Variants in UTS2B observed in about 807,000 individuals in gnomAD.
The protein encoded by UTS2B is urotensin 2B, also known as urotensin-2B.
Under a neutral mutation model 19.2 loss-of-function variants are expected in UTS2B, and 21 were observed. The ratio of observed to expected loss-of-function variants is 1.09; its 90% CI spans 0.78 to 1.58. The LOEUF (loss-of-function observed/expected upper bound fraction) is 1.58. Among genes scored for constraint, UTS2B ranks in the 40% most tolerant of loss-of-function variants. The pLI is 0.00. For synonymous variants in UTS2B, 57 were observed against 50.2 expected, an observed-to-expected ratio of 1.14 and a Z score of -0.58; for missense variants, 138 against 130.3, an observed-to-expected ratio of 1.06 and a Z score of -0.29.
Position 191,291,320 on chromosome 3 carries a change from G to T in UTS2B, c.-124-9007C>A, listed in dbSNP as rs181354494. Among the ~76,000 whole-genome samples, 15 of 152,200 alleles carry T rather than the reference G, an allele frequency of 9.9e-5. 1 individual carries two copies. In the East Asian group the frequency reaches 2.9e-3, roughly 29 times the overall value. ...GGGTTTTATTTGAAAAAAGTCCAAT[G>T]TATCTATTTTTTCTTGTGTTTCTTG... On this transcript the variant is annotated intron_variant, in intron 4 of 8. Transcript: ENST00000340524.
At position 191,268,204 on chromosome 3, in the gene UTS2B, C is replaced by T. The variant is rs11710136; in HGVS notation, c.*212G>A. ...TGCACGTCCATTCATAGGCTCTCTA[C>T]AGGGGGAAGCAAGTGCTGTTGGCTC... On this transcript the variant is annotated 3_prime_UTR_variant, in exon 9 of 9. Transcript: ENST00000340524. 0.53 allele frequency: 222,621 copies of T among 421,074 alleles called. 61,742 individuals are homozygous for T. Among genetic ancestry groups the T allele is most frequent in the Middle Eastern group, 0.6 (909 of 1,518 alleles). The allele number at this position is 421,074 out of a possible 1,614,324, so 26.1% of individuals were successfully genotyped here.
At chr3:191,313,017 GT>G (rs34512583) in intron 3 of UTS2B, among the ~76,000 whole-genome samples, 42,061 of 143,698 alleles carry the variant, frequency 0.29, 5,977 homozygotes, top group African/African-American at 0.39. Flanking sequence ...TGTCAAACAG[GT>G]TTTTTTTTTT....
Position 191,278,146 on chromosome 3 carries a change from T to A in UTS2B, c.128A>T (p.Lys43Ile). The A allele has an allele frequency of 6.4e-7, 1 of 1,552,332 alleles. No homozygotes were observed. The highest frequency in any genetic ancestry group is 8.7e-7 in the Non-Finnish European group (1 of 1,151,658). The change falls in exon 6 of 9, where the codon AAA becomes ATA. Residue 43 changes from lysine to isoleucine, a missense_variant. Transcript: ENST00000340524. ...CAATAGTTCCTCACGATTTGTATAT[T>A]TTTTATCTGGAAATATTTCATTTCC... Reference protein sequence around the residue: ...TQGNEIFPDKKYTNREELLLA... With the variant: ...TQGNEIFPDKIYTNREELLLA...
upstream of UTS2B, among the ~76,000 whole-genome samples, chr3:191,330,955 C>G (rs960829718): frequency 2.0e-5 from 3 of 152,164 alleles, no homozygotes; most frequent in African/African-American, 4.8e-5. Context: ...TAATACTTTT[C>G]TACCTTTCCG....
chr3:191,275,234 C>A lies in UTS2B; in HGVS notation c.334+18G>T. On this transcript the variant is annotated intron_variant, in intron 8 of 8. Coordinates refer to ENST00000340524, the MANE Select transcript of UTS2B (RefSeq NM_198152.5). ...ATCTTTTGGAAGTCAATCTTAAAAC[C>A]TTGAAATGAAAGCTTACCTCGTTTG... 6.4e-7 allele frequency: 1 copy of A among 1,565,910 alleles called. No homozygotes were observed. The highest frequency in any genetic ancestry group is 8.7e-7 in the Non-Finnish European group (1 of 1,148,568).
the UTS2B span, among the ~76,000 whole-genome samples, chr3:191,339,775 C>G: frequency 6.6e-6 from 1 of 152,192 alleles, no homozygotes; most frequent in Non-Finnish European, 1.5e-5. Context: ...TCTCCATTTA[C>G]TCTGATACTG....
At chr3:191,269,425 C>T (rs1474274863) in intron 8 of UTS2B, among the ~76,000 whole-genome samples, 3 of 152,064 alleles carry the variant, frequency 2.0e-5, no homozygotes, top group Non-Finnish European at 2.9e-5. Context: ...TCAAACCCTG[C>T]GAAAGCAGAA....
the UTS2B span, among the ~76,000 whole-genome samples, chr3:191,342,998 G>C: frequency 6.6e-6 from 1 of 152,142 alleles, no homozygotes; most frequent in Admixed American, 6.5e-5. Flanking sequence ...AACAGTGTGG[G>C]TTTGAACTGT....
At chr3:191,344,027 GA>G in the UTS2B span, among the ~76,000 whole-genome samples, 1 of 152,242 alleles carries the variant, frequency 6.6e-6, no homozygotes, top group Admixed American at 6.5e-5. Context: ...CAGCATAGGA[GA>G]AATGTAAATA....
the UTS2B span, among the ~76,000 whole-genome samples, chr3:191,344,579 G>C: frequency 6.6e-6 from 1 of 152,084 alleles, no homozygotes; most frequent in African/African-American, 2.4e-5. Context: ...CCTTTTGTTT[G>C]TTTGTTTGTT....
intron 2 of UTS2B, among the ~76,000 whole-genome samples, chr3:191,318,377 C>T (rs1560147250): frequency 6.6e-6 from 1 of 152,214 alleles, no homozygotes; most frequent in Non-Finnish European, 1.5e-5. Flanking sequence ...AAAGGAATTT[C>T]CTAAACTATA....
intron 5 of UTS2B, among the ~76,000 whole-genome samples, chr3:191,278,608 C>T (rs1161903261): frequency 1.3e-5 from 2 of 151,696 alleles, no homozygotes; most frequent in African/African-American, 4.8e-5. Flanking sequence ...ATATATAAGC[C>T]AGTTTGTGTT....
intron 7 of UTS2B, among the ~76,000 whole-genome samples, chr3:191,276,438 A>T (rs1295288409): frequency 6.6e-6 from 1 of 152,210 alleles, no homozygotes; most frequent in Non-Finnish European, 1.5e-5. Flanking sequence ...ATTTGGGGGA[A>T]AAAAGATTCC....
intron 8 of UTS2B, among the ~76,000 whole-genome samples, chr3:191,269,288 C>T (rs140254286): frequency 5.8e-4 from 89 of 152,200 alleles, no homozygotes; most frequent in African/African-American, 2.0e-3. Context: ...TGTGCTTGCC[C>T]AGGTTTTCCT....
chr3:191,338,037 T>C, the UTS2B span, among the ~76,000 whole-genome samples: 13 of 152,180 alleles, frequency 8.5e-5, no homozygotes, highest in African/African-American at 2.9e-4. Flanking sequence ...CCTGGACTTT[T>C]TTGGCTTTTG....
At chr3:191,290,911 T>C (rs569040822) in intron 4 of UTS2B, among the ~76,000 whole-genome samples, 2 of 152,336 alleles carry the variant, frequency 1.3e-5, no homozygotes, top group African/African-American at 4.8e-5. Context: ...CCTTATTACT[T>C]TTTTTGTAGT....
At chr3:191,318,470 T>C (rs900680036) in intron 2 of UTS2B, among the ~76,000 whole-genome samples, 4 of 152,136 alleles carry the variant, frequency 2.6e-5, no homozygotes, top group African/African-American at 4.8e-5. Context: ...TTCTTTTATG[T>C]TTTATTTTTT....
chr3:191,326,031 T>C (rs1305468243), intron 2 of UTS2B, among the ~76,000 whole-genome samples: 3 of 152,216 alleles, frequency 2.0e-5, no homozygotes, highest in African/African-American at 7.2e-5. Context: ...CTTAGGTATA[T>C]TATGCTGATG....
chr3:191,270,315 A>T (rs911608918), intron 8 of UTS2B, among the ~76,000 whole-genome samples: 1 of 152,064 alleles, frequency 6.6e-6, no homozygotes, highest in African/African-American at 2.4e-5. Context: ...TCCAGTCTCA[A>T]TCTCATGAGT....
Sources: allele counts gnomAD v4.1 joint callset (sites outside exome capture counted in the v4.1 genomes callset), GRCh38; gene constraint gnomAD v4.1.1; transcripts MANE v1.5; gene names NCBI Gene and HGNC (gene_info 2026-07-23, HGNC 2026-07-21).